Variants in THSD7A observed in about 807,000 individuals in gnomAD.
The protein encoded by THSD7A is thrombospondin type-1 domain-containing protein 7A.
THSD7A carries 96 observed loss-of-function variants against 231.3 expected under a neutral mutation model. The ratio of observed to expected loss-of-function variants is 0.41; its 90% CI spans 0.35 to 0.49. The LOEUF (loss-of-function observed/expected upper bound fraction) is 0.49. Ranked by LOEUF, THSD7A falls within the 20% of genes least tolerant of loss-of-function variation. THSD7A has a pLI of 0.05. For synonymous variants in THSD7A, 940 were observed against 743.3 expected (o/e 1.26, Z -4.30); for missense variants, 2,290 against 2,070.2 (o/e 1.11, Z -2.06).
intron 4 of THSD7A, among the ~76,000 whole-genome samples, chr7:11,565,081 T>C (rs1043169935): frequency 1.3e-5 from 2 of 152,138 alleles, no homozygotes; most frequent in Non-Finnish European, 2.9e-5. Context: ...TAGAATAGTG[T>C]ACATAGAACT....
chr7:11,461,122 C>A (rs1028128299), intron 10 of THSD7A, among the ~76,000 whole-genome samples: 1 of 152,136 alleles, frequency 6.6e-6, no homozygotes, highest in Non-Finnish European at 1.5e-5. Flanking sequence ...AGTTATGAAA[C>A]TGTATTCAAG....
intron 23 of THSD7A, among the ~76,000 whole-genome samples, chr7:11,393,518 A>T (rs993735055): frequency 2.6e-5 from 4 of 152,214 alleles, no homozygotes; most frequent in Non-Finnish European, 1.5e-5. Flanking sequence ...CATTTTGACA[A>T]ATGGACAGAA....
intron 1 of THSD7A, among the ~76,000 whole-genome samples, chr7:11,729,443 G>A (rs1041391871): frequency 5.9e-5 from 9 of 151,730 alleles, no homozygotes; most frequent in African/African-American, 2.2e-4. Context: ...ATAAATGCAG[G>A]AGAGAAACTG....
At chr7:11,584,274 T>C (rs1791297776) in intron 4 of THSD7A, among the ~76,000 whole-genome samples, 1 of 152,146 alleles carries the variant, frequency 6.6e-6, no homozygotes, top group Admixed American at 6.6e-5. Flanking sequence ...AAAAAATATA[T>C]ATGCAATTAT....
At chr7:11,730,911 C>T (rs1211547594) in intron 1 of THSD7A, among the ~76,000 whole-genome samples, 2 of 151,630 alleles carry the variant, frequency 1.3e-5, no homozygotes, top group Non-Finnish European at 3.0e-5. Flanking sequence ...CTCTTTCTGT[C>T]CGCTATGACA....
At chr7:11,546,813 T>A (rs1789419284) in intron 4 of THSD7A, among the ~76,000 whole-genome samples, 1 of 151,812 alleles carries the variant, frequency 6.6e-6, no homozygotes, top group African/African-American at 2.4e-5. Context: ...ATCCAAGAAA[T>A]CTAAGGAATC....
chr7:11,435,678 G>A (rs904963268), intron 13 of THSD7A, among the ~76,000 whole-genome samples: 1 of 151,678 alleles, frequency 6.6e-6, no homozygotes, highest in Non-Finnish European at 1.5e-5. Flanking sequence ...TCAGCTACCT[G>A]TCCTTTCGAG....
chr7:11,383,269 C>T (rs561978436), intron 23 of THSD7A, among the ~76,000 whole-genome samples: 3 of 152,108 alleles, frequency 2.0e-5, no homozygotes, highest in Admixed American at 6.5e-5. Context: ...AGGTGAAATA[C>T]TTCTAAGTGA....
chr7:11,725,321 A>G (rs1781511065), intron 1 of THSD7A, among the ~76,000 whole-genome samples: 2 of 151,962 alleles, frequency 1.3e-5, no homozygotes, highest in East Asian at 1.9e-4. Flanking sequence ...AGAAACTTAC[A>G]TTGTGACTGA....
At chr7:11,726,946 C>T (rs2128155631) in intron 1 of THSD7A, among the ~76,000 whole-genome samples, 1 of 152,066 alleles carries the variant, frequency 6.6e-6, no homozygotes, top group Admixed American at 6.6e-5. Context: ...AGGTTTGGCA[C>T]ACAGCTCTAG....
chr7:11,774,951 A>C (rs769450550), intron 1 of THSD7A, among the ~76,000 whole-genome samples: 31 of 152,148 alleles, frequency 2.0e-4, no homozygotes, highest in Middle Eastern at 6.3e-3. Context: ...GCTACTCGGG[A>C]GGCTGAGGCA....
chr7:11,603,878 T>C (rs1357214730), intron 2 of THSD7A, among the ~76,000 whole-genome samples: 1 of 68,946 alleles, frequency 1.5e-5, no homozygotes, highest in Non-Finnish European at 2.7e-5. Context: ...GGGACTGTGG[T>C]GGGGTGGGGG....
rs566089818 is a variant in THSD7A at position 11,664,400 on chromosome 7, T to C, written c.191-27439A>G. Among the ~76,000 whole-genome samples the C allele has an allele frequency of 4.5e-4, 68 of 152,058 alleles. No homozygotes were observed. The Middle Eastern group carries it at 0.02, about 46-fold the overall frequency. On this transcript the variant is annotated intron_variant, in intron 1 of 27. Coordinates refer to ENST00000423059, the MANE Select transcript of THSD7A (RefSeq NM_015204.3). ...CTTACTTATCTCCCATAAGCACCAA[T>C]TTCCTTACTTTTATGAAGAAGAAAA...
At chr7:11,581,163 A>C (rs1791143755) in intron 4 of THSD7A, among the ~76,000 whole-genome samples, 1 of 152,030 alleles carries the variant, frequency 6.6e-6, no homozygotes, top group African/African-American at 2.4e-5. Flanking sequence ...AATTAATATA[A>C]TGTCTTAATA....
At chr7:11,584,059 C>T (rs1276726251) in intron 4 of THSD7A, among the ~76,000 whole-genome samples, 2 of 152,126 alleles carry the variant, frequency 1.3e-5, no homozygotes, top group Non-Finnish European at 2.9e-5. Flanking sequence ...TATTCTCTTT[C>T]TCTGGCTAAA....
At chr7:11,716,089 C>T (rs183957649) in intron 1 of THSD7A, among the ~76,000 whole-genome samples, 112 of 151,558 alleles carry the variant, frequency 7.4e-4, no homozygotes, top group African/African-American at 2.6e-3. Flanking sequence ...AATTAGAACA[C>T]TAAGTTAACA....
chr7:11,461,386 C>T (rs887165353), intron 10 of THSD7A, among the ~76,000 whole-genome samples: 5 of 152,058 alleles, frequency 3.3e-5, no homozygotes, highest in African/African-American at 1.2e-4. Context: ...TTAATTGATG[C>T]CATAATACTT....
intron 13 of THSD7A, among the ~76,000 whole-genome samples, chr7:11,437,536 C>A (rs757385543): frequency 7.9e-5 from 12 of 152,116 alleles, no homozygotes; most frequent in Non-Finnish European, 1.6e-4. Flanking sequence ...ATGATAACTG[C>A]AAAAGCAATA....
chr7:11,412,656 C>CTGT lies in THSD7A; in HGVS notation c.3679_3681dup (p.Thr1227dup), dbSNP rs1783824377. 1 of 1,613,536 alleles carries CTGT rather than the reference C, an allele frequency of 6.2e-7. No homozygotes were observed. The highest frequency in any genetic ancestry group is 8.5e-7 in the Non-Finnish European group (1 of 1,179,704). On this transcript the variant is annotated inframe_insertion and splice_region_variant, in exon 18 of 28. Transcript: ENST00000423059. ...CGTGATCAGATGATGATCCATGTAC[C>CTGT]TGTTACATTATAATCATAGTGGTAG...
Sources: allele counts gnomAD v4.1 joint callset (sites outside exome capture counted in the v4.1 genomes callset), GRCh38; gene constraint gnomAD v4.1.1; transcripts MANE v1.5; gene names NCBI Gene and HGNC (gene_info 2026-07-23, HGNC 2026-07-21).